Variants in CELF2 observed in about 807,000 individuals in gnomAD.
CELF2 encodes CUG triplet repeat RNA-binding protein 2.
CELF2 carries 8 observed loss-of-function variants against 62.6 expected under a neutral mutation model. The ratio of observed to expected loss-of-function variants is 0.13; its 90% CI spans 0.07 to 0.23. The LOEUF (loss-of-function observed/expected upper bound fraction) is 0.23. Among genes scored for constraint, CELF2 ranks in the 10% least tolerant of loss-of-function variants. The pLI, the probability that CELF2 is intolerant of heterozygous loss-of-function variation, is 1.00. For missense variants in CELF2, 333 were observed against 671.0 expected (o/e 0.50, Z 5.56); for synonymous variants, 258 against 250.0 (o/e 1.03, Z -0.30).
the CELF2 span, among the ~76,000 whole-genome samples, chr10:10,573,187 C>G: frequency 1.3e-5 from 2 of 151,990 alleles, no homozygotes; most frequent in Non-Finnish European, 2.9e-5. Flanking sequence ...TGCCCACTTT[C>G]TAATGGGGTT....
chr10:11,109,423 T>C (rs945210756), intron 1 of CELF2, among the ~76,000 whole-genome samples: 1 of 152,162 alleles, frequency 6.6e-6, no homozygotes, highest in Admixed American at 6.5e-5. Flanking sequence ...CTCAAGTACA[T>C]GGTGAATGGA....
chr10:11,056,026 A>G (rs2065162836), intron 1 of CELF2, among the ~76,000 whole-genome samples: 1 of 152,220 alleles, frequency 6.6e-6, no homozygotes, highest in Non-Finnish European at 1.5e-5. Flanking sequence ...TAGAAAGTGC[A>G]TTTGTTTGTT....
intron 2 of CELF2, among the ~76,000 whole-genome samples, chr10:10,963,141 A>G (rs555800114): frequency 6.6e-6 from 1 of 152,086 alleles, no homozygotes; most frequent in Non-Finnish European, 1.5e-5. Flanking sequence ...CCTGGGTTCA[A>G]GCAACTCTCC....
chr10:10,783,733 TC>T, the CELF2 span, among the ~76,000 whole-genome samples: 1 of 152,106 alleles, frequency 6.6e-6, no homozygotes, highest in Admixed American at 6.6e-5. Flanking sequence ...ATGCCTATAA[TC>T]CCAGCACTTT....
intron 1 of CELF2, among the ~76,000 whole-genome samples, chr10:10,807,802 C>A (rs1055485146): frequency 6.6e-5 from 10 of 152,112 alleles, no homozygotes; most frequent in African/African-American, 2.4e-4. Context: ...TAATTTTGTT[C>A]TGCTTGATCT....
At chr10:10,571,401 A>G in the CELF2 span, among the ~76,000 whole-genome samples, 1 of 152,224 alleles carries the variant, frequency 6.6e-6, no homozygotes, top group African/African-American at 2.4e-5. Context: ...GACAGTAATA[A>G]AATAATAAAG....
the CELF2 span, among the ~76,000 whole-genome samples, chr10:10,619,712 A>G: frequency 1.3e-5 from 2 of 152,222 alleles, no homozygotes; most frequent in East Asian, 1.9e-4. Context: ...TTATCAACAC[A>G]GTTGGTGCCA....
intron 1 of CELF2, among the ~76,000 whole-genome samples, chr10:11,043,373 A>C (rs2062188816): frequency 6.6e-6 from 1 of 152,290 alleles, no homozygotes; most frequent in South Asian, 2.1e-4. Flanking sequence ...GAAAATAATA[A>C]TTGGTCTGGA....
chr10:11,072,364 A>T (rs980231740), intron 1 of CELF2, among the ~76,000 whole-genome samples: 7 of 152,152 alleles, frequency 4.6e-5, no homozygotes, highest in African/African-American at 1.4e-4. Flanking sequence ...GTGAGACTCA[A>T]GTCTTTGATG....
chr10:10,803,637 T>A (rs898041462), intron 1 of CELF2, among the ~76,000 whole-genome samples: 1 of 152,248 alleles, frequency 6.6e-6, no homozygotes, highest in African/African-American at 2.4e-5. Context: ...TACTCAACTA[T>A]ATTGACTTAT....
intron 1 of CELF2, among the ~76,000 whole-genome samples, chr10:11,133,325 C>T (rs2059902146): frequency 6.6e-6 from 1 of 152,136 alleles, no homozygotes; most frequent in African/African-American, 2.4e-5. Flanking sequence ...AAACAGAATC[C>T]TGAAAGCTAG....
At position 10,938,057 on chromosome 10, in the gene CELF2, T is replaced by A. The variant is rs2135376737; in HGVS notation, c.89+18058T>A. ...CCCTCAACTAAAGTAAACTGAGGTATCTTAGATATAGAAATCTAATTTGGA... is the reference window on the plus strand; with the variant it reads ...CCCTCAACTAAAGTAAACTGAGGTAACTTAGATATAGAAATCTAATTTGGA... On this transcript the variant is annotated intron_variant, in intron 2 of 13. Coordinates refer to the CELF2 transcript ENST00000636488. The surrounding 1 kb of genome is among the most constrained non-coding windows in gnomAD (Gnocchi z 4.2). Among the ~76,000 whole-genome samples the A allele has an allele frequency of 6.6e-6, 1 of 152,338 alleles. No individual in the cohort carries two copies. The highest frequency in any genetic ancestry group is 1.9e-4 in the East Asian group (1 of 5,188).
At chr10:10,792,513 C>T in the CELF2 span, 9 of 398,050 alleles carry the variant, frequency 2.3e-5, no homozygotes, top group South Asian at 1.3e-4. Context: ...CTCTTAAAAA[C>T]AGATGAGGAG....
the CELF2 span, among the ~76,000 whole-genome samples, chr10:10,491,377 T>G: frequency 6.6e-6 from 1 of 152,230 alleles, no homozygotes; most frequent in Admixed American, 6.5e-5. Context: ...TCCTGCAGTA[T>G]GTGCACTAGA....
At chr10:10,716,996 C>T in the CELF2 span, among the ~76,000 whole-genome samples, 3 of 152,118 alleles carry the variant, frequency 2.0e-5, no homozygotes, top group Non-Finnish European at 4.4e-5. Flanking sequence ...CATGCGGGCA[C>T]GTGAATCAGT....
chr10:10,864,773 G>A (rs1591329223), intron 1 of CELF2, among the ~76,000 whole-genome samples: 1 of 152,220 alleles, frequency 6.6e-6, no homozygotes, highest in African/African-American at 2.4e-5. Flanking sequence ...AGAGAGACAC[G>A]AATATTCAGT....
chr10:11,208,035 G>A (rs2060855364), intron 2 of CELF2, among the ~76,000 whole-genome samples: 1 of 152,126 alleles, frequency 6.6e-6, no homozygotes, highest in Non-Finnish European at 1.5e-5. Context: ...GGTGGTTCAG[G>A]GACATTCTCC....
chr10:10,981,798 A>G (rs184642176), intron 2 of CELF2, among the ~76,000 whole-genome samples: 45 of 152,246 alleles, frequency 3.0e-4, no homozygotes, highest in Admixed American at 3.9e-4. Context: ...CCTCTACTCA[A>G]TTAGGCAGGT....
chr10:11,167,351 A>G (rs1047440990), intron 2 of CELF2, among the ~76,000 whole-genome samples: 3 of 152,268 alleles, frequency 2.0e-5, no homozygotes, highest in African/African-American at 2.4e-5. Flanking sequence ...GACCAGAGGC[A>G]GTAAACTATG....
Sources: gnomAD v4.1 joint callset for allele counts (sites outside exome capture counted in the v4.1 genomes callset) on GRCh38, gnomAD v4.1.1 for gene constraint, Gnocchi (gnomAD v3.1) non-coding constraint, MANE v1.5 for transcripts, NCBI Gene and HGNC (gene_info 2026-07-23, HGNC 2026-07-21) for gene names.